PLEKHG1: variants seen among roughly 807,000 people sequenced by gnomAD.
The protein encoded by PLEKHG1 is pleckstrin homology domain-containing family G member 1.
In PLEKHG1, 44 loss-of-function variants were observed where a neutral mutation model predicts 100.8. The observed-to-expected ratio is 0.44, with a 90% CI of 0.34 to 0.56. The LOEUF (loss-of-function observed/expected upper bound fraction) is 0.56, where lower values mean the gene tolerates loss of function less well. Among genes scored for constraint, PLEKHG1 ranks in the 20% least tolerant of loss-of-function variants. PLEKHG1 has a pLI of 0.01. For synonymous variants in PLEKHG1, 640 were observed against 662.5 expected, an observed-to-expected ratio of 0.97 and a Z score of 0.52; for missense variants, 1,545 against 1,720.9, an observed-to-expected ratio of 0.90 and a Z score of 1.81.
At chr6:150,622,363 A>G (rs1777336095) in intron 1 of PLEKHG1, among the ~76,000 whole-genome samples, 1 of 152,114 alleles carries the variant, frequency 6.6e-6, no homozygotes, top group Non-Finnish European at 1.5e-5. Flanking sequence ...CAAAAATCAA[A>G]ATGACTAGAG....
intron 1 of PLEKHG1, among the ~76,000 whole-genome samples, chr6:150,618,825 C>A (rs1777175039): frequency 3.3e-5 from 5 of 152,148 alleles, no homozygotes; most frequent in Admixed American, 3.3e-4. Flanking sequence ...TGCTCAAAAT[C>A]CCAACACTTT....
chr6:150,756,748 C>T (rs1283537971), intron 2 of PLEKHG1, among the ~76,000 whole-genome samples: 1 of 152,082 alleles, frequency 6.6e-6, no homozygotes, highest in Non-Finnish European at 1.5e-5. Flanking sequence ...TTGAGGGTTA[C>T]AGTTTCAAGT....
At chr6:150,687,044 G>T (rs576168955) in intron 3 of PLEKHG1, 1 of 152,748 alleles carries the variant, frequency 6.5e-6, no homozygotes, top group African/African-American at 2.4e-5. Context: ...GGTTCAGAGG[G>T]TGATCATGAG....
At chr6:150,795,579 G>A (rs557848852) in intron 4 of PLEKHG1, among the ~76,000 whole-genome samples, 25 of 151,456 alleles carry the variant, frequency 1.7e-4, no homozygotes, top group South Asian at 6.3e-4. Flanking sequence ...CACCAAAGCC[G>A]GGCATGGTGG....
At chr6:150,739,364 T>A (rs1013825528) in intron 2 of PLEKHG1, among the ~76,000 whole-genome samples, 6 of 151,278 alleles carry the variant, frequency 4.0e-5, no homozygotes, top group East Asian at 3.9e-4. Flanking sequence ...AAGTGTATTT[T>A]AAAAAAAAAG....
Position 150,631,290 on chromosome 6 carries a change from C to A in PLEKHG1, c.-203-6790C>A, listed in dbSNP as rs189565493. Among the ~76,000 whole-genome samples the A allele has an allele frequency of 2.6e-5, 4 of 152,292 alleles. No individual in the cohort carries two copies. In the East Asian group the frequency reaches 7.7e-4, roughly 29 times the overall value. On this transcript the variant is annotated intron_variant, in intron 1 of 3. Transcript: ENST00000367326. ...CTCAATCTGTGTCTTTGAATTAAAACCACGAAACCAGTTCCACCTTTTTTC... is the reference window on the plus strand; with the variant it reads ...CTCAATCTGTGTCTTTGAATTAAAAACACGAAACCAGTTCCACCTTTTTTC...
intron 3 of PLEKHG1, among the ~76,000 whole-genome samples, chr6:150,715,475 A>T (rs968059554): frequency 4.8e-5 from 7 of 145,096 alleles, no homozygotes; most frequent in Admixed American, 6.9e-5. Flanking sequence ...GTTCATCACT[A>T]TTTTTTTTCT....
At chr6:150,622,742 G>A (rs907415900) in intron 1 of PLEKHG1, among the ~76,000 whole-genome samples, 8 of 152,164 alleles carry the variant, frequency 5.3e-5, no homozygotes, top group South Asian at 2.1e-4. Flanking sequence ...GGTTCATTTC[G>A]TTGTGTTGAT....
chr6:150,761,108 T>C (rs889012178), intron 2 of PLEKHG1, among the ~76,000 whole-genome samples: 212 of 142,212 alleles, frequency 1.5e-3, no homozygotes, highest in African/African-American at 5.1e-3. Context: ...TCTTTTTTTT[T>C]TTTTTTTTTT....
chr6:150,682,510 C>T (rs966599238), intron 3 of PLEKHG1, among the ~76,000 whole-genome samples: 4 of 151,948 alleles, frequency 2.6e-5, no homozygotes, highest in Admixed American at 1.3e-4. Flanking sequence ...CCAGGTTCTG[C>T]CCAGTTTGAG....
At chr6:150,765,469 G>A (rs1784409870) in intron 2 of PLEKHG1, among the ~76,000 whole-genome samples, 1 of 149,440 alleles carries the variant, frequency 6.7e-6, no homozygotes. Flanking sequence ...ACTCCAGCTT[G>A]GGTGACAGAG....
At chr6:150,667,813 A>C (rs1172377005) in intron 3 of PLEKHG1, among the ~76,000 whole-genome samples, 7 of 152,208 alleles carry the variant, frequency 4.6e-5, no homozygotes, top group South Asian at 4.1e-4. Context: ...TAGAACTACA[A>C]GGGATAGTGA....
chr6:150,623,145 C>G (rs886182379), intron 1 of PLEKHG1, among the ~76,000 whole-genome samples: 1 of 152,138 alleles, frequency 6.6e-6, no homozygotes. Context: ...TCTCCCTACC[C>G]CAGGCCTCAC....
intron 14 of PLEKHG1, 98 bp downstream of exon 15, chr6:150,823,774 G>A: frequency 6.4e-6 from 5 of 783,496 alleles, no homozygotes; most frequent in Non-Finnish European, 1.1e-5. Context: ...CGTATTCCAA[G>A]TGTCAACAGT....
intron 1 of PLEKHG1, among the ~76,000 whole-genome samples, chr6:150,628,526 A>AC (rs1219776531): frequency 2.7e-4 from 36 of 132,338 alleles, no homozygotes; most frequent in Non-Finnish European, 1.8e-4. Context: ...GTAGATAGGA[A>AC]AACACACACA....
intron 3 of PLEKHG1, among the ~76,000 whole-genome samples, chr6:150,674,674 T>C (rs1779690859): frequency 6.9e-6 from 1 of 144,280 alleles, no homozygotes; most frequent in East Asian, 2.0e-4. Flanking sequence ...TCTCTCTCTC[T>C]CTCTCTCTCC....
chr6:150,819,535 C>A, intron 11 of PLEKHG1, 144 bp from the exon 13 acceptor site: 2 of 419,364 alleles, frequency 4.8e-6, no homozygotes. Context: ...CACCGCACTT[C>A]AGCGTGGGTG....
chr6:150,718,626 C>T (rs1258171076), upstream of PLEKHG1, among the ~76,000 whole-genome samples: 1 of 152,032 alleles, frequency 6.6e-6, no homozygotes, highest in African/African-American at 2.4e-5. Context: ...TGCACCACCA[C>T]GTCTGGCTAA....
intron 3 of PLEKHG1, among the ~76,000 whole-genome samples, chr6:150,667,561 G>T (rs1779444945): frequency 6.6e-6 from 1 of 152,108 alleles, no homozygotes; most frequent in African/African-American, 2.4e-5. Flanking sequence ...AGCCTCCTGT[G>T]GTTTATTACT....
Sources: gnomAD v4.1 joint callset for allele counts (sites outside exome capture counted in the v4.1 genomes callset) on GRCh38, gnomAD v4.1.1 for gene constraint, MANE v1.5 for transcripts, NCBI Gene and HGNC (gene_info 2026-07-23, HGNC 2026-07-21) for gene names.